The following SLC25A21 variants were observed in gnomAD, a reference collection of about 807,000 sequenced individuals.
The protein encoded by SLC25A21 is mitochondrial 2-oxodicarboxylate carrier.
Under a neutral mutation model 43.8 loss-of-function variants are expected in SLC25A21, and 47 were observed. The observed-to-expected ratio is 1.07, with a 90% CI of 0.85 to 1.37. The LOEUF (loss-of-function observed/expected upper bound fraction) is 1.37. Ranked by LOEUF, SLC25A21 falls within the 40% of genes most tolerant of loss-of-function variation. The pLI is 0.00. For missense variants in SLC25A21, 352 were observed against 350.2 expected, an observed-to-expected ratio of 1.00 and a Z score of -0.04; for synonymous variants, 131 against 121.3, an observed-to-expected ratio of 1.08 and a Z score of -0.52.
intron 1 of SLC25A21, among the ~76,000 whole-genome samples, chr14:36,978,577 C>T (rs1429230165): frequency 1.3e-5 from 2 of 152,064 alleles, no homozygotes; most frequent in African/African-American, 2.4e-5. Flanking sequence ...TATGCCTGTA[C>T]TTAATTCTAT....
At chr14:37,127,000 G>A (rs1452784551) in intron 1 of SLC25A21, among the ~76,000 whole-genome samples, 2 of 152,234 alleles carry the variant, frequency 1.3e-5, no homozygotes, top group South Asian at 2.1e-4. Flanking sequence ...TGAAATCTAT[G>A]TTTCTACAAC....
At chr14:37,153,637 G>C (rs1963797435) in intron 1 of SLC25A21, among the ~76,000 whole-genome samples, 1 of 152,212 alleles carries the variant, frequency 6.6e-6, no homozygotes, top group African/African-American at 2.4e-5. Context: ...TTGCCACAAA[G>C]ACAGCAGCTC....
intron 1 of SLC25A21, among the ~76,000 whole-genome samples, chr14:37,171,651 A>T (rs997057788): frequency 6.6e-6 from 1 of 152,192 alleles, no homozygotes; most frequent in African/African-American, 2.4e-5. Flanking sequence ...AAGTATTTCT[A>T]AGATTAATTA....
chr14:37,167,805 C>T (rs1437845685), intron 1 of SLC25A21, among the ~76,000 whole-genome samples: 1 of 151,976 alleles, frequency 6.6e-6, no homozygotes, highest in African/African-American at 2.4e-5. Flanking sequence ...GGCCCCCACC[C>T]AGGAACTGAC....
At chr14:37,122,626 A>G (rs1049796816) in intron 1 of SLC25A21, among the ~76,000 whole-genome samples, 1 of 57,918 alleles carries the variant, frequency 1.7e-5, no homozygotes, top group Admixed American at 2.3e-4. Flanking sequence ...ATGTAAAGAA[A>G]CAATACGATA....
At chr14:37,044,391 A>C (rs1961543404) in intron 1 of SLC25A21, among the ~76,000 whole-genome samples, 1 of 152,194 alleles carries the variant, frequency 6.6e-6, no homozygotes, top group South Asian at 2.1e-4. Context: ...AAACATAAGC[A>C]TGTTTCTTCT....
At chr14:36,990,904 CAA>C (rs145476666) in intron 1 of SLC25A21, among the ~76,000 whole-genome samples, 13,176 of 141,868 alleles carry the variant, frequency 0.093, 653 homozygotes, top group African/African-American at 0.14. Context: ...GACCCTGCTT[CAA>C]AAAAAAAAAA....
rs1881996599 is a variant in SLC25A21 at position 36,678,196 on chromosome 14, C to T, written c.*2462G>A. 4.3e-6 allele frequency: 2 copies of T among 467,528 alleles called. No homozygotes were observed. The highest frequency in any genetic ancestry group is 3.4e-5 in the East Asian group (1 of 29,530). 29.0% of individuals were successfully genotyped at this position (467,528 alleles called of 1,614,324 possible). ...TTCCACCACATCGGTTTCGTGGCTT[C>T]GTTTAAAACTCAGATGGCTAGATTA... On this transcript the variant is annotated 3_prime_UTR_variant, in exon 10 of 10. Coordinates refer to ENST00000331299, the MANE Select transcript of SLC25A21 (RefSeq NM_030631.4).
At chr14:36,935,514 C>A (rs888200137) in intron 1 of SLC25A21, among the ~76,000 whole-genome samples, 1 of 152,150 alleles carries the variant, frequency 6.6e-6, no homozygotes, top group Non-Finnish European at 1.5e-5. Flanking sequence ...TCTGTGGAAG[C>A]CACCTAATGT....
rs1882118597 is a variant in SLC25A21, at chr14:36,679,787, T to C, written c.*871A>G. The C allele has an allele frequency of 2.0e-6, 2 of 985,148 alleles. No individual in the cohort carries two copies. Among genetic ancestry groups the C allele is most frequent in the Non-Finnish European group, 2.4e-6 (2 of 829,792 alleles). The allele number at this position is 985,148 out of a possible 1,614,324, so 61.0% of individuals were successfully genotyped here. ...GTATTTGGATGCAAATACTGATGGC[T>C]GACAAATGGGTCCAAAGGTGTTTCC... On this transcript the variant is annotated 3_prime_UTR_variant, in exon 10 of 10. Transcript: ENST00000331299.
intron 1 of SLC25A21, among the ~76,000 whole-genome samples, chr14:36,955,784 A>AT (rs906745603): frequency 2.0e-5 from 3 of 152,050 alleles, no homozygotes; most frequent in Admixed American, 2.0e-4. Context: ...TTGTGGAATG[A>AT]TATCTGTGAA....
At chr14:37,059,687 G>A (rs1015472649) in intron 1 of SLC25A21, among the ~76,000 whole-genome samples, 2 of 152,160 alleles carry the variant, frequency 1.3e-5, no homozygotes, top group African/African-American at 4.8e-5. Flanking sequence ...ACACCTGCAG[G>A]CAACTTCTTC....
chr14:36,962,430 A>T (rs766550804), intron 1 of SLC25A21, among the ~76,000 whole-genome samples: 2 of 152,040 alleles, frequency 1.3e-5, no homozygotes, highest in Non-Finnish European at 2.9e-5. Flanking sequence ...TTCATCCTAC[A>T]TATCTGCTGT....
At chr14:37,167,219 A>G (rs192468618) in intron 1 of SLC25A21, among the ~76,000 whole-genome samples, 2 of 152,310 alleles carry the variant, frequency 1.3e-5, no homozygotes, top group Admixed American at 1.3e-4. Context: ...GAAAACCAAG[A>G]AAGATTTCAC....
intron 1 of SLC25A21, among the ~76,000 whole-genome samples, chr14:37,109,414 AG>A (rs1227436735): frequency 6.6e-6 from 1 of 152,132 alleles, no homozygotes; most frequent in Non-Finnish European, 1.5e-5. Context: ...AGGAAAGGAA[AG>A]AAAACCTTTT....
rs144106686 is a variant in SLC25A21 at position 36,713,899 on chromosome 14, G to A, written c.439-2417C>T. ...CAGGAGGCTGACTAAGGAGGCTGAC[G>A]CAGGAGGATCACTTGAGGCCTGGAA... On this transcript the variant is annotated intron_variant, in intron 6 of 9. Coordinates refer to ENST00000331299, the MANE Select transcript of SLC25A21 (RefSeq NM_030631.4). Among the ~76,000 whole-genome samples, 420 of 152,222 alleles carry A rather than the reference G, an allele frequency of 2.8e-3. 2 individuals carry two copies. The highest frequency in any genetic ancestry group is 9.7e-3 in the African/African-American group (404 of 41,536).
At chr14:36,785,065 C>G (rs1394564249) in intron 3 of SLC25A21, among the ~76,000 whole-genome samples, 2 of 152,118 alleles carry the variant, frequency 1.3e-5, no homozygotes, top group African/African-American at 4.8e-5. Context: ...CAGGGGAAGA[C>G]AGTCCAACAT....
chr14:37,002,721 CA>C (rs146756042), intron 1 of SLC25A21, among the ~76,000 whole-genome samples: 3,798 of 152,204 alleles, frequency 0.025, 91 homozygotes, highest in East Asian at 0.092. Context: ...ACAAACTGTA[CA>C]AAACAGTGCT....
In SLC25A21 at chr14:36,710,377, G is replaced by GA. The variant is rs911522290; in HGVS notation, c.603+940dup. ...GACAAGAGTGAAACTCTGTCTCCAA[G>GA]AAAAAAAAAGAAAAGAAAAGAAAAA... On this transcript the variant is annotated intron_variant, in intron 7 of 9. Transcript: ENST00000331299. Among the ~76,000 whole-genome samples, 5 of 100,072 alleles carry GA rather than the reference G, an allele frequency of 5.0e-5. No individual in the cohort carries two copies. In the South Asian group the frequency reaches 1.6e-3, roughly 33 times the overall value. The allele number at this position is 100,072 out of a possible 152,430, so 65.7% of individuals were successfully genotyped here.
Sources: gnomAD v4.1 joint callset for allele counts (sites outside exome capture counted in the v4.1 genomes callset) on GRCh38, gnomAD v4.1.1 for gene constraint, MANE v1.5 for transcripts, NCBI Gene and HGNC (gene_info 2026-07-23, HGNC 2026-07-21) for gene names.